The following ZFAT variants were observed in gnomAD, a reference collection of about 807,000 sequenced individuals.
ZFAT encodes the protein zinc finger and AT-hook domain containing.
ZFAT carries 64 observed loss-of-function variants against 117.7 expected under a neutral mutation model. The observed-to-expected ratio is 0.54, with a 90% CI of 0.44 to 0.67. The LOEUF (loss-of-function observed/expected upper bound fraction) is 0.67, where lower values mean the gene tolerates loss of function less well. Ranked by LOEUF, ZFAT falls within the 30% of genes least tolerant of loss-of-function variation. The pLI is 0.00. For synonymous variants in ZFAT, 679 were observed against 615.0 expected (o/e 1.10, Z -1.54); for missense variants, 1,433 against 1,584.5 (o/e 0.90, Z 1.62).
chr8:134,712,758 C>A, intron 1 of ZFAT, 87 bp downstream of exon 1: 1 of 1,373,290 alleles, frequency 7.3e-7, no homozygotes, highest in South Asian at 1.3e-5. Context: ...CGCACTGCTT[C>A]CCGACTCGAC....
chr8:134,807,014 T>C, the ZFAT span, among the ~76,000 whole-genome samples: 1 of 152,330 alleles, frequency 6.6e-6, no homozygotes, highest in East Asian at 1.9e-4. Context: ...CTATCAGCAT[T>C]AGCATTTTAC....
At chr8:134,737,609 T>A in the ZFAT span, among the ~76,000 whole-genome samples, 1,188 of 152,346 alleles carry the variant, frequency 7.8e-3, 7 homozygotes, top group Non-Finnish European at 0.014. Context: ...TTTAGGACCT[T>A]ATTGCAGGTA....
At chr8:134,738,480 C>T in the ZFAT span, among the ~76,000 whole-genome samples, 4 of 152,182 alleles carry the variant, frequency 2.6e-5, no homozygotes, top group African/African-American at 7.2e-5. Context: ...GTACCAACTA[C>T]GTACGAGAGT....
intron 15 of ZFAT, among the ~76,000 whole-genome samples, chr8:134,499,953 T>C (rs1818846933): frequency 6.6e-6 from 1 of 152,190 alleles, no homozygotes; most frequent in Non-Finnish European, 1.5e-5. Context: ...AGAGTTCTTG[T>C]TTCCGGGAAT....
chr8:134,707,537 A>T (rs1834182221), intron 1 of ZFAT, among the ~76,000 whole-genome samples: 1 of 152,206 alleles, frequency 6.6e-6, no homozygotes, highest in Non-Finnish European at 1.5e-5. Context: ...TCTAACACTA[A>T]GAAAGAAGCC....
chr8:134,756,480 C>T, the ZFAT span, among the ~76,000 whole-genome samples: 11 of 152,226 alleles, frequency 7.2e-5, no homozygotes, highest in Non-Finnish European at 1.3e-4. Flanking sequence ...CTGCCCTCCC[C>T]GTTCTCCAGC....
chr8:134,746,240 C>T, the ZFAT span, among the ~76,000 whole-genome samples: 14 of 152,212 alleles, frequency 9.2e-5, no homozygotes, highest in Admixed American at 9.2e-4. Context: ...CTAAATCTTG[C>T]TAGGTTTTCT....
Position 134,478,600 on chromosome 8 carries a change from A to C in ZFAT, c.3614T>G (p.Ile1205Ser). The stretch of plus-strand genomic sequence containing the variant: ...CTGCGTGTAGACAGTCACCGTCTCA[A>C]TGCCCTCCACGTCGTCGGAGGACAC... ...LVVSSDDVEGIETVTVYTQGG... is the reference protein window; with the variant it reads ...LVVSSDDVEGSETVTVYTQGG... The change falls in exon 16 of 16, where the codon ATT (isoleucine) becomes AGT (serine). Residue 1205 changes from isoleucine (I) to serine (S), a missense_variant. Around this residue, in one of 5 missense-constraint regions of ZFAT, gnomAD observed 503 missense variants for 543.4 expected, o/e 0.93. Coordinates refer to ENST00000377838, the MANE Select transcript of ZFAT (RefSeq NM_020863.4). The surrounding 1 kb of genome is among the most constrained non-coding windows in gnomAD (Gnocchi z 5.2). 4 of 1,592,756 alleles carry C rather than the reference A, an allele frequency of 2.5e-6. No individual in the cohort carries two copies. Among genetic ancestry groups the C allele is most frequent in the Non-Finnish European group, 8.5e-7 (1 of 1,170,024 alleles).
chr8:134,666,835 G>A (rs1832249592), intron 1 of ZFAT, among the ~76,000 whole-genome samples: 2 of 152,172 alleles, frequency 1.3e-5, no homozygotes, highest in Admixed American at 1.3e-4. Context: ...AAGTGGGAAA[G>A]TATTCAAAGA....
At position 134,649,088 on chromosome 8, in the gene ZFAT, T is replaced by C. The variant is rs145130059; in HGVS notation, c.196+8473A>G. ...TCTGACAAAATCCAACACCATTTTATGATTTAAAAAATAAACAACACTCAA... is the reference window on the plus strand; with the variant it reads ...TCTGACAAAATCCAACACCATTTTACGATTTAAAAAATAAACAACACTCAA... On this transcript the variant is annotated intron_variant, in intron 2 of 15. Transcript: ENST00000377838. Among the ~76,000 whole-genome samples the C allele has an allele frequency of 1.2e-4, 18 of 151,754 alleles. 1 individual carries two copies. The highest frequency in any genetic ancestry group is 4.4e-4 in the African/African-American group (18 of 41,342).
the ZFAT span, among the ~76,000 whole-genome samples, chr8:134,779,815 CT>C: frequency 4.0e-3 from 614 of 152,260 alleles, 5 homozygotes; most frequent in African/African-American, 0.014. Flanking sequence ...CTACATCAAT[CT>C]TTATATCTTC....
the ZFAT span, among the ~76,000 whole-genome samples, chr8:134,762,400 T>A: frequency 6.6e-6 from 1 of 152,236 alleles, no homozygotes; most frequent in African/African-American, 2.4e-5. Flanking sequence ...ACTACTCTTG[T>A]CAAGGTTGCC....
the ZFAT span, among the ~76,000 whole-genome samples, chr8:134,830,481 T>C: frequency 6.6e-6 from 1 of 152,172 alleles, no homozygotes; most frequent in African/African-American, 2.4e-5. Context: ...TTTTTGAAAA[T>C]GACAAATAAC....
rs1488972330 is a variant in ZFAT at position 134,712,924 on chromosome 8, C to T, written c.-61G>A. On this transcript the variant is annotated 5_prime_UTR_variant, in exon 1 of 16. Transcript: ENST00000377838. The stretch of plus-strand genomic sequence containing the variant: ...GGCTCTTCCGGGCCCCCTCCCGTGC[C>T]GACCGAGGGGGCGGGGCGCCCTGCT... 6 of 1,457,180 alleles carry T rather than the reference C, an allele frequency of 4.1e-6. No individual in the cohort carries two copies. In the Middle Eastern group the frequency reaches 7.8e-4, roughly 189 times the overall value. The allele number at this position is 1,457,180 out of a possible 1,614,324, so 90.3% of individuals were successfully genotyped here. A position where few individuals can be genotyped will look rare whatever the true frequency, so the allele number is the denominator to read the frequency against.
intron 3 of ZFAT, among the ~76,000 whole-genome samples, chr8:134,632,126 T>C (rs4909330): frequency 0.72 from 109,921 of 151,968 alleles, 40,119 homozygotes; most frequent in East Asian, 0.91. Context: ...TCCATCTCTC[T>C]GACCTCTCCA....
the ZFAT span, among the ~76,000 whole-genome samples, chr8:134,779,680 A>T: frequency 6.6e-6 from 1 of 152,188 alleles, no homozygotes; most frequent in South Asian, 2.1e-4. Context: ...ATAAGTATCT[A>T]TCTTAAAAAC....
chr8:134,613,955 T>C (rs1172366376), intron 3 of ZFAT, among the ~76,000 whole-genome samples: 1 of 152,220 alleles, frequency 6.6e-6, no homozygotes, highest in African/African-American at 2.4e-5. Flanking sequence ...TGAACCATTG[T>C]GCCTGGACTT....
At chr8:134,677,753 G>A (rs531208249) in intron 1 of ZFAT, among the ~76,000 whole-genome samples, 2 of 152,270 alleles carry the variant, frequency 1.3e-5, no homozygotes, top group South Asian at 2.1e-4. Flanking sequence ...TGTCCACCAC[G>A]ATTAAGTTGG....
At chr8:134,791,037 T>C in the ZFAT span, among the ~76,000 whole-genome samples, 3 of 152,208 alleles carry the variant, frequency 2.0e-5, no homozygotes, top group African/African-American at 4.8e-5. Context: ...TCTGAATATA[T>C]GCCAATTCTT....
Sources: gnomAD v4.1 joint callset for allele counts (sites outside exome capture counted in the v4.1 genomes callset) on GRCh38, gnomAD v4.1.1 for gene constraint, gnomAD v4.1.1 regional missense constraint, Gnocchi (gnomAD v3.1) non-coding constraint, MANE v1.5 for transcripts, NCBI Gene and HGNC (gene_info 2026-07-23, HGNC 2026-07-21) for gene names.